Variants in LGR4 observed in about 807,000 individuals in gnomAD.
LGR4 encodes leucine rich repeat containing G protein-coupled receptor 4.
Under a neutral mutation model 84.8 loss-of-function variants are expected in LGR4, and 44 were observed. That is an observed-to-expected ratio of 0.52 (90% CI 0.41 to 0.67). The LOEUF (loss-of-function observed/expected upper bound fraction) is 0.67. LGR4 is among the 30% of genes least tolerant of loss of function. The probability of loss-of-function intolerance (pLI) is 0.00; values close to 1 mark genes in which losing one functional copy is unlikely to be tolerated. For synonymous variants in LGR4, 429 were observed against 434.3 expected (o/e 0.99, Z 0.15); for missense variants, 1,032 against 1,131.4 (o/e 0.91, Z 1.26).
At position 27,472,651 on chromosome 11, in the gene LGR4, G is replaced by T. The variant is rs1026173838; in HGVS notation, c.-349C>A. ...AATGCAGCGGCTCTTCAAGGTTGCA[G>T]AGCGCAGCCTTCAGCCATGCCGGCC... is the stretch of plus-strand genomic sequence containing the variant. On this transcript the variant is annotated 5_prime_UTR_variant, in exon 1 of 18. The change creates a new upstream start codon in the 5' untranslated region. Coordinates refer to ENST00000379214, the MANE Select transcript of LGR4 (RefSeq NM_018490.5). 3 of 356,520 alleles carry T rather than the reference G, an allele frequency of 8.4e-6. No individual in the cohort carries two copies. In the Admixed American group the frequency reaches 1.4e-4, roughly 17 times the overall value. The allele number at this position is 356,520 out of a possible 1,614,324, so 22.1% of individuals were successfully genotyped here.
In LGR4 at chr11:27,377,356, C is replaced by T. The variant is rs1175037260; in HGVS notation, c.1044-133G>A. Reference sequence around the variant, plus strand: ...ATATGCCTGAATAAGAAAAACAAGTCTTTTTTCCTAAGACTTGTCAGCTTC... The same window carrying T: ...ATATGCCTGAATAAGAAAAACAAGTTTTTTTTCCTAAGACTTGTCAGCTTC... On this transcript the variant is annotated intron_variant, in intron 11 of 17. Transcript: ENST00000379214. 3 of 476,234 alleles carry T rather than the reference C, an allele frequency of 6.3e-6. No individual in the cohort carries two copies. In the East Asian group the frequency reaches 1.0e-4, roughly 16 times the overall value. The allele number at this position is 476,234 out of a possible 1,614,324, so 29.5% of individuals were successfully genotyped here. A position where few individuals can be genotyped will look rare whatever the true frequency, so the allele number is the denominator to read the frequency against.
intron 2 of LGR4, among the ~76,000 whole-genome samples, chr11:27,404,005 T>C (rs1422501181): frequency 6.6e-6 from 1 of 152,180 alleles, no homozygotes; most frequent in Non-Finnish European, 1.5e-5. Flanking sequence ...ATTTATTGTA[T>C]TGAATAAGCA....
chr11:27,377,729 C>A (rs1863013379), intron 11 of LGR4, among the ~76,000 whole-genome samples: 1 of 152,052 alleles, frequency 6.6e-6, no homozygotes, highest in South Asian at 2.1e-4. Context: ...ACATCAAACA[C>A]CAGAACTAGT....
chr11:27,413,555 T>A (rs1379833891), intron 1 of LGR4, among the ~76,000 whole-genome samples: 1 of 152,156 alleles, frequency 6.6e-6, no homozygotes, highest in Non-Finnish European at 1.5e-5. Flanking sequence ...CCTTTTGAAC[T>A]GGCTTTCTCT....
chr11:27,439,147 A>G (rs1864258745), intron 1 of LGR4, among the ~76,000 whole-genome samples: 1 of 152,116 alleles, frequency 6.6e-6, no homozygotes, highest in Non-Finnish European at 1.5e-5. Flanking sequence ...AGCATCCATC[A>G]CTACCATCCA....
At chr11:27,393,712 T>C (rs1313859270) in intron 2 of LGR4, among the ~76,000 whole-genome samples, 1 of 151,976 alleles carries the variant, frequency 6.6e-6, no homozygotes, top group Non-Finnish European at 1.5e-5. Flanking sequence ...ACACAACATC[T>C]TTAGGTTCCC....
chr11:27,458,062 A>G (rs1864606831), intron 1 of LGR4, among the ~76,000 whole-genome samples: 1 of 152,132 alleles, frequency 6.6e-6, no homozygotes, highest in Admixed American at 6.5e-5. Flanking sequence ...CCCAGGAGTT[A>G]GAGGCTGCAG....
At chr11:27,403,376 C>A (rs891154982) in intron 2 of LGR4, among the ~76,000 whole-genome samples, 1 of 152,074 alleles carries the variant, frequency 6.6e-6, no homozygotes, top group Non-Finnish European at 1.5e-5. Context: ...CTCTTGAGCC[C>A]GTGAGGTCAA....
At chr11:27,462,426 A>G (rs1189559561) in intron 1 of LGR4, among the ~76,000 whole-genome samples, 1 of 152,164 alleles carries the variant, frequency 6.6e-6, no homozygotes, top group East Asian at 1.9e-4. Flanking sequence ...GTTAGAGGGA[A>G]GTAGCACCAT....
chr11:27,372,063 C>CTAGTTTTAAAAT (rs1278478601), intron 16 of LGR4, among the ~76,000 whole-genome samples: 1 of 152,130 alleles, frequency 6.6e-6, no homozygotes, highest in Non-Finnish European at 1.5e-5. Context: ...GAGAGTCTCA[C>CTAGTTTTAAAAT]TTTGTTGCCC....
At chr11:27,442,002 A>T (rs1259161316) in intron 1 of LGR4, among the ~76,000 whole-genome samples, 1 of 152,220 alleles carries the variant, frequency 6.6e-6, no homozygotes, top group African/African-American at 2.4e-5. Context: ...ATGAAAGCCC[A>T]GTGACCTATG....
intron 1 of LGR4, among the ~76,000 whole-genome samples, chr11:27,443,102 G>A (rs192146675): frequency 4.7e-4 from 71 of 152,250 alleles, no homozygotes; most frequent in Admixed American, 2.7e-3. Flanking sequence ...ACTGGACAGG[G>A]CACTTTATCC....
chr11:27,422,159 G>A (rs79981242), intron 1 of LGR4, among the ~76,000 whole-genome samples: 1,938 of 152,172 alleles, frequency 0.013, 46 homozygotes, highest in African/African-American at 0.04. Context: ...AAAGATTATC[G>A]TCTGGGCAAA....
At chr11:27,382,150 G>A (rs751251601) in intron 7 of LGR4, 38 bp downstream of exon 7, 1 of 1,333,096 alleles carries the variant, frequency 7.5e-7, no homozygotes, top group Non-Finnish European at 1.1e-6. Context: ...GTGAGTTTCA[G>A]GGATATGAAG....
At position 27,454,712 on chromosome 11, in the gene LGR4, G is replaced by A. The variant is rs117743936; in HGVS notation, c.185+17406C>T. The stretch of plus-strand genomic sequence containing the variant: ...GGCGGTGGTGGTTGCAGTGAGCCGA[G>A]ATCATGCCACCTGCTCTCTAGCCTG... On this transcript the variant is annotated intron_variant, in intron 1 of 17. Transcript: ENST00000379214. Among the ~76,000 whole-genome samples, 729 of 147,770 alleles carry A rather than the reference G, an allele frequency of 4.9e-3. 1 individual carries two copies. Among genetic ancestry groups the A allele is most frequent in the Middle Eastern group, 0.011 (3 of 272 alleles).
At chr11:27,440,705 A>C (rs1394142277) in intron 1 of LGR4, among the ~76,000 whole-genome samples, 1 of 152,154 alleles carries the variant, frequency 6.6e-6, no homozygotes, top group Non-Finnish European at 1.5e-5. Flanking sequence ...TGGTTAACAT[A>C]CTCACATGGA....
Position 27,368,075 on chromosome 11 carries a change from G to A in LGR4, c.2648C>T (p.Ala883Val). 1.3e-6 allele frequency: 2 copies of A among 1,593,614 alleles called. No individual in the cohort carries two copies. The highest frequency in any genetic ancestry group is 1.7e-6 in the Non-Finnish European group (2 of 1,167,316). ...TCTTTGGCAAGAAGCCACTGCCAAT[G>A]CAGGACAGCTGTGTGATTTTATCAA... ...KHLIKSHSCP[A>V]LAVASCQRPE... Residue 883 changes from alanine to valine, a missense_variant, in exon 18 of 18, where the codon GCA becomes GTA. By Grantham distance (64) the Ala-to-Val change is moderately conservative. Transcript: ENST00000379214.
At chr11:27,448,420 G>A (rs1270562899) in intron 1 of LGR4, among the ~76,000 whole-genome samples, 2 of 151,804 alleles carry the variant, frequency 1.3e-5, no homozygotes, top group African/African-American at 4.8e-5. Context: ...AGCCTCCTGA[G>A]TAGCTGGGAT....
chr11:27,430,761 G>T (rs1418139241), intron 1 of LGR4, among the ~76,000 whole-genome samples: 1 of 152,060 alleles, frequency 6.6e-6, no homozygotes, highest in African/African-American at 2.4e-5. Context: ...GGCAGTCAAA[G>T]CAATCTTTTT....
Sources: allele counts gnomAD v4.1 joint callset (sites outside exome capture counted in the v4.1 genomes callset), GRCh38; gene constraint gnomAD v4.1.1; transcripts MANE v1.5; gene names NCBI Gene and HGNC (gene_info 2026-07-23, HGNC 2026-07-21).